Variants in UTRN observed in about 807,000 individuals in gnomAD.
UTRN encodes dystrophin-related protein 1.
Under a neutral mutation model 463.9 loss-of-function variants are expected in UTRN, and 283 were observed. The ratio of observed to expected loss-of-function variants is 0.61; its 90% CI spans 0.55 to 0.67. UTRN has a LOEUF of 0.67. Among genes scored for constraint, UTRN ranks in the 30% least tolerant of loss-of-function variants. UTRN has a pLI of 0.00. For missense variants in UTRN, 3,922 were observed against 4,084.3 expected, an observed-to-expected ratio of 0.96 and a Z score of 1.08; for synonymous variants, 1,442 against 1,431.5, an observed-to-expected ratio of 1.01 and a Z score of -0.17.
chr6:144,537,491 ATATT>A (rs1354816802), intron 43 of UTRN, 87 bp from the exon 44 acceptor site: 75 of 836,634 alleles, frequency 9.0e-5, no homozygotes, highest in Admixed American at 3.8e-4. Context: ...ATTTTGGGAA[ATATT>A]TAGTCAGGAT....
chr6:144,752,726 C>G (rs1053406749), intron 56 of UTRN, among the ~76,000 whole-genome samples: 2 of 151,920 alleles, frequency 1.3e-5, no homozygotes, highest in African/African-American at 4.8e-5. Flanking sequence ...AATATTTGTT[C>G]TTTATTCTTT....
intron 69 of UTRN, among the ~76,000 whole-genome samples, chr6:144,830,886 A>T (rs1780618165): frequency 6.6e-6 from 1 of 152,204 alleles, no homozygotes; most frequent in Admixed American, 6.5e-5. Flanking sequence ...ACAAATGTGT[A>T]TCTTTTCCCA....
chr6:144,726,963 A>T (rs1562824331), intron 53 of UTRN, among the ~76,000 whole-genome samples: 1 of 152,154 alleles, frequency 6.6e-6, no homozygotes, highest in Non-Finnish European at 1.5e-5. Context: ...ATCTAAAAAG[A>T]AGTTCCAAGA....
At chr6:144,501,313 C>T (rs1487123912) in intron 34 of UTRN, among the ~76,000 whole-genome samples, 5 of 152,078 alleles carry the variant, frequency 3.3e-5, no homozygotes, top group African/African-American at 1.2e-4. Context: ...TTATCATCCT[C>T]GTGCAGTATA....
intron 52 of UTRN, 45 bp from the exon 53 acceptor site, chr6:144,700,042 G>C (rs1266024771): frequency 6.6e-7 from 1 of 1,517,554 alleles, no homozygotes; most frequent in East Asian, 2.3e-5. Context: ...AATGTAATTT[G>C]CATTTCTAAA....
At chr6:144,484,182 G>A (rs897900036) in intron 27 of UTRN, among the ~76,000 whole-genome samples, 9 of 152,168 alleles carry the variant, frequency 5.9e-5, no homozygotes, top group Admixed American at 5.9e-4. Flanking sequence ...GGAAACCTCA[G>A]AGGGGAATGA....
chr6:144,411,045 C>CT lies in UTRN; in HGVS notation c.141+7867dup, dbSNP rs554347689. Among the ~76,000 whole-genome samples the CT allele has an allele frequency of 8.5e-5, 13 of 152,274 alleles. No homozygotes were observed. In the South Asian group the frequency reaches 2.7e-3, roughly 32 times the overall value. ...GCTATAAACATGAGTGTGCAAGCAT[C>CT]TTTTTTGTATAATGACTTCTTTTCC... On this transcript the variant is annotated intron_variant, in intron 3 of 74. Transcript: ENST00000367545.
At chr6:144,452,713 T>C (rs927855201) in intron 18 of UTRN, among the ~76,000 whole-genome samples, 1 of 151,762 alleles carries the variant, frequency 6.6e-6, no homozygotes, top group African/African-American at 2.4e-5. Context: ...GGCAGGAGGA[T>C]TGCTTGAGCC....
intron 74 of UTRN, among the ~76,000 whole-genome samples, chr6:144,847,384 C>G (rs1782111705): frequency 6.6e-6 from 1 of 151,762 alleles, no homozygotes; most frequent in East Asian, 1.9e-4. Flanking sequence ...GGATTTGTAG[C>G]CTGTTTTGTT....
At chr6:144,486,888 A>C (rs557303634) in intron 28 of UTRN, among the ~76,000 whole-genome samples, 50 of 152,310 alleles carry the variant, frequency 3.3e-4, no homozygotes, top group African/African-American at 1.1e-3. Flanking sequence ...GTGTGTATGT[A>C]GGCAAGTAAT....
At chr6:144,539,576 T>C in intron 45 of UTRN, 133 bp downstream of exon 45, 1 of 898,930 alleles carries the variant, frequency 1.1e-6, no homozygotes, top group South Asian at 2.1e-5. Flanking sequence ...CTAATGTTTA[T>C]ATTTTTTATC....
intron 2 of UTRN, among the ~76,000 whole-genome samples, chr6:144,319,373 T>C (rs558574118): frequency 1.3e-5 from 2 of 152,300 alleles, no homozygotes; most frequent in African/African-American, 2.4e-5. Flanking sequence ...AAATGACAAA[T>C]TGTTTCATGA....
intron 51 of UTRN, among the ~76,000 whole-genome samples, chr6:144,665,694 C>T (rs1449279334): frequency 1.3e-5 from 2 of 152,170 alleles, no homozygotes; most frequent in Non-Finnish European, 2.9e-5. Flanking sequence ...TATCAGTGAA[C>T]CTCAGTGAGC....
chr6:144,383,199 T>C (rs1340973202), intron 2 of UTRN, among the ~76,000 whole-genome samples: 1 of 152,166 alleles, frequency 6.6e-6, no homozygotes, highest in East Asian at 1.9e-4. Context: ...CCCAAAGTGT[T>C]GGGATTACAG....
chr6:144,794,920 G>A (rs974782600), intron 63 of UTRN, among the ~76,000 whole-genome samples: 2 of 152,070 alleles, frequency 1.3e-5, no homozygotes, highest in Admixed American at 6.5e-5. Context: ...TGTGCAGAAC[G>A]TGCAGGTTTG....
At chr6:144,409,005 A>T (rs561553428) in intron 3 of UTRN, among the ~76,000 whole-genome samples, 4 of 152,316 alleles carry the variant, frequency 2.6e-5, no homozygotes, top group African/African-American at 9.6e-5. Flanking sequence ...GCATATGGCA[A>T]CTCAACTGAT....
intron 26 of UTRN, 100 bp downstream of exon 26, chr6:144,480,082 T>A: frequency 1.5e-6 from 2 of 1,332,288 alleles, no homozygotes; most frequent in Non-Finnish European, 2.0e-6. Context: ...ACTATGTGCA[T>A]GTAGCATCTT....
At chr6:144,396,136 T>C (rs75425763) in intron 2 of UTRN, among the ~76,000 whole-genome samples, 2,202 of 152,244 alleles carry the variant, frequency 0.014, 61 homozygotes, top group African/African-American at 0.05. Flanking sequence ...GTGCTCATCT[T>C]TAGACAAATG....
intron 2 of UTRN, among the ~76,000 whole-genome samples, chr6:144,301,845 T>C (rs1805289081): frequency 6.6e-6 from 1 of 152,116 alleles, no homozygotes; most frequent in Non-Finnish European, 1.5e-5. Context: ...CCATCCTACT[T>C]TCTAACAGCA....
Sources: gnomAD v4.1 joint callset for allele counts (sites outside exome capture counted in the v4.1 genomes callset) on GRCh38, gnomAD v4.1.1 for gene constraint, MANE v1.5 for transcripts, NCBI Gene and HGNC (gene_info 2026-07-23, HGNC 2026-07-21) for gene names.